Variants in PCDHA7 observed in about 807,000 individuals in gnomAD.
PCDHA7 encodes protocadherin alpha 7.
In PCDHA7, 37 loss-of-function variants were observed where a neutral mutation model predicts 57.2. The observed-to-expected ratio is 0.65, with a 90% confidence interval of 0.50 to 0.85. The LOEUF (loss-of-function observed/expected upper bound fraction) is 0.85, where lower values mean the gene tolerates loss of function less well. Among genes scored for constraint, PCDHA7 ranks in the 40% least tolerant of loss-of-function variants. The pLI is 0.00. For missense variants in PCDHA7, 1,188 were observed against 1,241.8 expected (o/e 0.96, Z 0.65); for synonymous variants, 553 against 558.8 (o/e 0.99, Z 0.15).
At chr5:140,900,290 G>GT (rs1292990700) in intron 1 of PCDHA7, among the ~76,000 whole-genome samples, 2 of 151,548 alleles carry the variant, frequency 1.3e-5, no homozygotes, top group Non-Finnish European at 2.9e-5. Context: ...TTTCTTTTCT[G>GT]TTTTTTTAGA....
In PCDHA7 at chr5:140,850,494, G is replaced by A. The variant is rs140796784; in HGVS notation, c.2355+13756G>A. ...GCTGACGGCCACGGCCACTGTGCTGGTGTCGCTGGTGGAGAGCGGCCAGGC... is the reference window on the plus strand; with the variant it reads ...GCTGACGGCCACGGCCACTGTGCTGATGTCGCTGGTGGAGAGCGGCCAGGC... On this transcript the variant is annotated intron_variant, in intron 1 of 3. Transcript: ENST00000525929. The A allele has an allele frequency of 3.1e-5, 50 of 1,598,140 alleles. 3 individuals carry two copies. In the African/African-American group the frequency reaches 5.6e-4, roughly 18 times the overall value.
intron 3 of PCDHA7, among the ~76,000 whole-genome samples, chr5:140,993,418 C>A (rs59434300): frequency 6.6e-5 from 10 of 151,302 alleles, no homozygotes; most frequent in Non-Finnish European, 1.5e-4. Context: ...ATCAGCATTT[C>A]TCTTTTAAAA....
At chr5:140,876,740 T>G (rs782650836) in intron 1 of PCDHA7, 2 of 1,614,236 alleles carry the variant, frequency 1.2e-6, no homozygotes, top group East Asian at 4.5e-5. Context: ...GCCTATGAGC[T>G]GGTGGTGACT....
rs2041307506 is a variant in PCDHA7 at position 140,850,030 on chromosome 5, C to A, written c.2355+13292C>A. 3.8e-6 allele frequency: 6 copies of A among 1,596,712 alleles called. 2 individuals carry two copies. The highest frequency in any genetic ancestry group is 5.1e-6 in the Non-Finnish European group (6 of 1,167,808). On this transcript the variant is annotated intron_variant, in intron 1 of 3. Coordinates refer to ENST00000525929, the MANE Select transcript of PCDHA7 (RefSeq NM_018910.3). ...CTGTCGAGCTACGTGTCAGTGCACG[C>A]GGAGAGCGGCAAGGTGTACGCGCTG...
chr5:140,934,000 A>G (rs2089557025), intron 1 of PCDHA7, among the ~76,000 whole-genome samples: 1 of 151,350 alleles, frequency 6.6e-6, no homozygotes, highest in Non-Finnish European at 1.5e-5. Context: ...GTCACCTCTC[A>G]TTTTTCTTGA....
chr5:140,923,774 G>T (rs1447078559), intron 1 of PCDHA7, among the ~76,000 whole-genome samples: 1 of 152,202 alleles, frequency 6.6e-6, no homozygotes, highest in Non-Finnish European at 1.5e-5. Flanking sequence ...CTACTGGGTG[G>T]ATGGTTTCTT....
chr5:140,958,204 G>T (rs2095413529), intron 1 of PCDHA7, among the ~76,000 whole-genome samples: 2 of 152,042 alleles, frequency 1.3e-5, no homozygotes, highest in South Asian at 2.1e-4. Flanking sequence ...AGTATACAAG[G>T]GAATTAGATT....
chr5:140,921,289 A>G (rs2080153256), intron 1 of PCDHA7, among the ~76,000 whole-genome samples: 1 of 152,172 alleles, frequency 6.6e-6, no homozygotes, highest in African/African-American at 2.4e-5. Flanking sequence ...AAAACCTCAA[A>G]TTTGCTGAAT....
chr5:140,836,479 A>T lies in PCDHA7; in HGVS notation c.2096A>T (p.Tyr699Phe), dbSNP rs2150261822. 1.2e-6 allele frequency: 2 copies of T among 1,613,682 alleles called. No homozygotes were observed. Among genetic ancestry groups the T allele is most frequent in the South Asian group, 2.2e-5 (2 of 91,080 alleles). The change falls in exon 1 of 4, where the codon TAC (tyrosine) becomes TTC (phenylalanine). Residue 699 changes from tyrosine (Y) to phenylalanine (F), a missense_variant. Coordinates refer to ENST00000525929, the MANE Select transcript of PCDHA7 (RefSeq NM_018910.3). ...ACCGAGCTGGTGGATGTCAACGTGTACCTGATCATCGCCATCTGCGCGGTG... is the reference window on the plus strand; with the variant it reads ...ACCGAGCTGGTGGATGTCAACGTGTTCCTGATCATCGCCATCTGCGCGGTG... ...PETELVDVNV[Y>F]LIIAICAVSS...
At chr5:140,838,073 ATATAGTGTGT>A (rs1415475897) in intron 1 of PCDHA7, among the ~76,000 whole-genome samples, 44 of 126,826 alleles carry the variant, frequency 3.5e-4, no homozygotes, top group Admixed American at 1.0e-3. Context: ...AGTTATATAT[ATATAGTGTGT>A]GTGTGTGTGT....
chr5:140,921,364 T>G (rs2080173595), intron 1 of PCDHA7, among the ~76,000 whole-genome samples: 1 of 152,196 alleles, frequency 6.6e-6, no homozygotes, highest in Non-Finnish European at 1.5e-5. Flanking sequence ...TATTCAAGTT[T>G]CATATTTCTA....
Position 140,836,533 on chromosome 5 carries a change from T to C in PCDHA7, c.2150T>C (p.Leu717Pro), listed in dbSNP as rs1554136046. The part of the protein sequence containing the change: ...VSSLLVLTLL[L>P]YTALRCSAPS... ...AGTCTGTTGGTGCTTACCCTGCTGC[T>C]GTACACGGCGTTGCGGTGCTCAGCG... The change falls in exon 1 of 4, where the codon CTG (leucine) becomes CCG (proline). Residue 717 changes from leucine to proline, a missense_variant. Around this residue, in one of 3 missense-constraint regions of PCDHA7, gnomAD observed 892 missense variants for 788.5 expected, o/e 1.13. Transcript: ENST00000525929. 1.2e-6 allele frequency: 2 copies of C among 1,613,852 alleles called. No individual in the cohort carries two copies. The highest frequency in any genetic ancestry group is 1.1e-5 in the South Asian group (1 of 91,078).
In PCDHA7 at chr5:140,883,729, C is replaced by T. The variant is rs572170960; in HGVS notation, c.2355+46991C>T. 8 of 1,613,520 alleles carry T rather than the reference C, an allele frequency of 5.0e-6. No homozygotes were observed. In the African/African-American group the frequency reaches 8.0e-5, roughly 16 times the overall value. ...CTCAGGACGCGGACGCACAGGAGAA[C>T]GCGCTGGTCTCCTACTCGCTGGTGG... On this transcript the variant is annotated intron_variant, in intron 1 of 3. Coordinates refer to ENST00000525929, the MANE Select transcript of PCDHA7 (RefSeq NM_018910.3).
chr5:140,992,841 A>G (rs1351149915), intron 3 of PCDHA7, among the ~76,000 whole-genome samples: 2 of 152,188 alleles, frequency 1.3e-5, no homozygotes, highest in African/African-American at 2.4e-5. Flanking sequence ...AACATTTTGT[A>G]TAACAACCAG....
At chr5:140,855,048 A>G (rs2043321235) in intron 1 of PCDHA7, among the ~76,000 whole-genome samples, 1 of 149,960 alleles carries the variant, frequency 6.7e-6, no homozygotes, top group Admixed American at 6.7e-5. Flanking sequence ...CTGTAATAGT[A>G]CTTTTCTGTT....
chr5:140,880,385 A>T (rs191215782), intron 1 of PCDHA7, among the ~76,000 whole-genome samples: 86 of 152,346 alleles, frequency 5.6e-4, no homozygotes, highest in African/African-American at 2.1e-3. Context: ...ATAGAAAATA[A>T]TTTTTAAGAG....
chr5:140,882,438 C>T (rs782795158), intron 1 of PCDHA7: 5 of 1,614,020 alleles, frequency 3.1e-6, no homozygotes, highest in Non-Finnish European at 4.2e-6. Context: ...CTGGAGCTGG[C>T]GGAGCTGGTG....
chr5:140,863,737 A>G (rs758176321), intron 1 of PCDHA7: 1 of 251,160 alleles, frequency 4.0e-6, no homozygotes, highest in East Asian at 1.0e-4. Flanking sequence ...GCTCATGCCT[A>G]TTTGTAATCC....
chr5:140,935,257 C>A (rs1200153130), intron 1 of PCDHA7, among the ~76,000 whole-genome samples: 10 of 152,150 alleles, frequency 6.6e-5, no homozygotes, highest in South Asian at 4.1e-4. Context: ...AAATACATCA[C>A]ATGTTTATAC....
Sources: allele counts gnomAD v4.1 joint callset (sites outside exome capture counted in the v4.1 genomes callset), GRCh38; gene constraint gnomAD v4.1.1; regional missense constraint gnomAD v4.1.1; transcripts MANE v1.5; gene names NCBI Gene and HGNC (gene_info 2026-07-23, HGNC 2026-07-21).